SLC44A5: variants seen among roughly 807,000 people sequenced by gnomAD.
The protein encoded by SLC44A5 is choline transporter-like protein 5.
A neutral mutation model predicts 101.8 loss-of-function variants in SLC44A5; 57 were observed. The ratio of observed to expected loss-of-function variants is 0.56; its 90% CI spans 0.45 to 0.70. The LOEUF is 0.70. Among genes scored for constraint, SLC44A5 ranks in the 30% least tolerant of loss-of-function variants. The pLI is 0.00. For missense variants in SLC44A5, 737 were observed against 853.1 expected (o/e 0.86, Z 1.70); for synonymous variants, 281 against 290.9 (o/e 0.97, Z 0.35).
chr1:75,701,742 G>T, the SLC44A5 span, among the ~76,000 whole-genome samples: 1 of 152,106 alleles, frequency 6.6e-6, no homozygotes, highest in African/African-American at 2.4e-5. Context: ...TGACATGATT[G>T]TATATCTAGA....
At chr1:75,282,005 C>G (rs908365563) in intron 5 of SLC44A5, among the ~76,000 whole-genome samples, 1 of 152,164 alleles carries the variant, frequency 6.6e-6, no homozygotes, top group African/African-American at 2.4e-5. Context: ...CCACCATCCT[C>G]TAGATCCCAG....
At chr1:75,236,273 A>G (rs1648069252) in intron 11 of SLC44A5, among the ~76,000 whole-genome samples, 1 of 152,016 alleles carries the variant, frequency 6.6e-6, no homozygotes, top group Non-Finnish European at 1.5e-5. Context: ...TTTTAATTTT[A>G]GTCTTTGACC....
chr1:75,643,663 G>A, the SLC44A5 span, among the ~76,000 whole-genome samples: 5,098 of 152,294 alleles, frequency 0.033, 292 homozygotes, highest in African/African-American at 0.11. Flanking sequence ...TAGTAAATAA[G>A]TCTCACAAGA....
chr1:75,719,488 C>G, the SLC44A5 span, among the ~76,000 whole-genome samples: 4 of 152,228 alleles, frequency 2.6e-5, no homozygotes, highest in African/African-American at 9.6e-5. Context: ...ATCTTAGATT[C>G]TAGCCCTGAC....
At chr1:75,275,154 C>T in intron 5 of SLC44A5, 112 bp from the exon 6 acceptor site, 1 of 693,088 alleles carries the variant, frequency 1.4e-6, no homozygotes, top group East Asian at 2.8e-5. Context: ...CCCTCAGTCA[C>T]AGAAGATTAT....
At chr1:75,441,942 A>G (rs1305997983) in intron 2 of SLC44A5, among the ~76,000 whole-genome samples, 1 of 152,294 alleles carries the variant, frequency 6.6e-6, no homozygotes, top group East Asian at 1.9e-4. Flanking sequence ...ATGTGTGTCC[A>G]TATATTCCTA....
intron 4 of SLC44A5, among the ~76,000 whole-genome samples, chr1:75,328,847 T>C (rs577624855): frequency 9.6e-4 from 146 of 152,292 alleles, no homozygotes; most frequent in African/African-American, 2.2e-3. Context: ...TCACGTGCTG[T>C]GATCCGCATG....
the SLC44A5 span, among the ~76,000 whole-genome samples, chr1:75,695,557 G>A: frequency 6.6e-6 from 1 of 151,842 alleles, no homozygotes; most frequent in Non-Finnish European, 1.5e-5. Context: ...ACACTTTAAG[G>A]AGCATACATC....
intron 1 of SLC44A5, among the ~76,000 whole-genome samples, chr1:75,603,297 T>C (rs1388808038): frequency 3.9e-5 from 6 of 152,072 alleles, no homozygotes; most frequent in Non-Finnish European, 8.8e-5. Flanking sequence ...TCCATGTTGC[T>C]GCAAAGGAAA....
chr1:75,555,865 T>G (rs1179961888), intron 1 of SLC44A5, among the ~76,000 whole-genome samples: 1 of 152,130 alleles, frequency 6.6e-6, no homozygotes, highest in Non-Finnish European at 1.5e-5. Context: ...CAGTAGAATG[T>G]TATCCAGCAA....
intron 1 of SLC44A5, among the ~76,000 whole-genome samples, chr1:75,579,797 G>A (rs1673578065): frequency 1.5e-5 from 2 of 130,916 alleles, no homozygotes; most frequent in Admixed American, 1.6e-4. Context: ...CAAAGAGAGA[G>A]GATTTGGAGA....
In SLC44A5 at chr1:75,478,244, T is replaced by C. The variant is rs1173955551; in HGVS notation, c.13+63191A>G. Among the ~76,000 whole-genome samples, 28 of 152,110 alleles carry C rather than the reference T, an allele frequency of 1.8e-4. No individual in the cohort carries two copies. The East Asian group carries it at 5.2e-3, about 28-fold the overall frequency. On this transcript the variant is annotated intron_variant, in intron 2 of 23. Coordinates refer to ENST00000370859, the MANE Select transcript of SLC44A5 (RefSeq NM_001130058.2). ...ACCAGGCCTGCCCTAAAAGAGCTCC[T>C]GAAGGAAGCACTAAACATGGAAAGG...
intron 6 of SLC44A5, among the ~76,000 whole-genome samples, chr1:75,253,595 A>G (rs1649764121): frequency 6.6e-6 from 1 of 152,196 alleles, no homozygotes; most frequent in African/African-American, 2.4e-5. Context: ...TCATCCACAC[A>G]GTCTCACAGT....
At chr1:75,531,987 G>T (rs1445892121) in intron 2 of SLC44A5, among the ~76,000 whole-genome samples, 2 of 152,150 alleles carry the variant, frequency 1.3e-5, no homozygotes, top group African/African-American at 2.4e-5. Context: ...CCCAAAGTGT[G>T]TTGCCCAAAC....
chr1:75,541,519 G>A lies in SLC44A5; in HGVS notation c.-69-3C>T, dbSNP rs1671355533. ...ACTTGAGTTGCTTAGAAAAGAGTCT[G>A]TGATAAAAACAAGTATGAAGATAGT... On this transcript the variant is annotated splice_polypyrimidine_tract_variant and splice_region_variant and intron_variant, in intron 1 of 23. Coordinates refer to ENST00000370859, the MANE Select transcript of SLC44A5 (RefSeq NM_001130058.2). 2 of 1,590,888 alleles carry A rather than the reference G, an allele frequency of 1.3e-6. No homozygotes were observed. The highest frequency in any genetic ancestry group is 2.3e-5 in the South Asian group (2 of 87,300).
the SLC44A5 span, among the ~76,000 whole-genome samples, chr1:75,707,468 C>A: frequency 6.6e-6 from 1 of 152,142 alleles, no homozygotes; most frequent in Non-Finnish European, 1.5e-5. Context: ...AGATTAATTA[C>A]CCCACACTCC....
At chr1:75,610,930 T>C in intron 1 of SLC44A5, 110 bp downstream of exon 1, 1 of 234,290 alleles carries the variant, frequency 4.3e-6, no homozygotes, top group Non-Finnish European at 7.0e-6. Flanking sequence ...TATATATATG[T>C]GTGTGTGTGT....
intron 2 of SLC44A5, among the ~76,000 whole-genome samples, chr1:75,428,277 T>C (rs1260544109): frequency 6.6e-6 from 1 of 152,220 alleles, no homozygotes; most frequent in Non-Finnish European, 1.5e-5. Context: ...ATATTTCCTA[T>C]TCAAGTGACT....
intron 2 of SLC44A5, among the ~76,000 whole-genome samples, chr1:75,519,071 CTT>C (rs1669982335): frequency 6.6e-6 from 1 of 152,070 alleles, no homozygotes. Flanking sequence ...ATTACTAGCT[CTT>C]ATTTTTTCAT....
Sources: gnomAD v4.1 joint callset for allele counts (sites outside exome capture counted in the v4.1 genomes callset) on GRCh38, gnomAD v4.1.1 for gene constraint, MANE v1.5 for transcripts, NCBI Gene and HGNC (gene_info 2026-07-23, HGNC 2026-07-21) for gene names.